CENPW: variants seen among roughly 807,000 people sequenced by gnomAD.
The protein encoded by CENPW is cancer-up-regulated gene 2 protein.
In CENPW, 3 loss-of-function variants were observed where a neutral mutation model predicts 11.1. The observed-to-expected ratio is 0.27, with a 90% confidence interval of 0.12 to 0.70. CENPW has a LOEUF of 0.70. Ranked by LOEUF, CENPW falls within the 30% of genes least tolerant of loss-of-function variation. The probability of loss-of-function intolerance (pLI) is 0.77; values close to 1 mark genes in which losing one functional copy is unlikely to be tolerated. For missense variants in CENPW, 100 were observed against 105.6 expected, an observed-to-expected ratio of 0.95 and a Z score of 0.23; for synonymous variants, 38 against 42.0, an observed-to-expected ratio of 0.91 and a Z score of 0.37.
At chr6:126,470,828 G>T in the CENPW span, among the ~76,000 whole-genome samples, 1 of 152,180 alleles carries the variant, frequency 6.6e-6, no homozygotes, top group African/African-American at 2.4e-5. Context: ...ACTGAATTTT[G>T]GACTTGCACA....
chr6:126,397,231 C>T, the CENPW span, among the ~76,000 whole-genome samples: 2 of 152,062 alleles, frequency 1.3e-5, no homozygotes, highest in African/African-American at 2.4e-5. Context: ...AGTTTCAACC[C>T]CTAGGATGGA....
the CENPW span, among the ~76,000 whole-genome samples, chr6:126,425,688 G>A: frequency 6.6e-6 from 1 of 151,690 alleles, no homozygotes; most frequent in Admixed American, 6.6e-5. Flanking sequence ...GATAAGTAGT[G>A]CTTCTCTTTG....
chr6:126,421,031 C>T, the CENPW span, among the ~76,000 whole-genome samples: 1 of 151,992 alleles, frequency 6.6e-6, no homozygotes, highest in Non-Finnish European at 1.5e-5. Flanking sequence ...TGATAAGTAT[C>T]TGCTTGAAAG....
the CENPW span, among the ~76,000 whole-genome samples, chr6:126,382,391 C>T: frequency 6.6e-6 from 1 of 152,164 alleles, no homozygotes; most frequent in Non-Finnish European, 1.5e-5. Flanking sequence ...AGAGTTCCTT[C>T]TTTCCTCCAA....
chr6:126,407,854 G>T, the CENPW span, among the ~76,000 whole-genome samples: 1 of 152,134 alleles, frequency 6.6e-6, no homozygotes, highest in South Asian at 2.1e-4. Flanking sequence ...TGAATAGATT[G>T]TAAATATTCT....
At chr6:126,439,488 G>T in the CENPW span, among the ~76,000 whole-genome samples, 1 of 151,496 alleles carries the variant, frequency 6.6e-6, no homozygotes, top group Admixed American at 6.6e-5. Flanking sequence ...ATGTATGAGG[G>T]TTTTCTCTGG....
the CENPW span, among the ~76,000 whole-genome samples, chr6:126,370,182 A>G: frequency 6.6e-6 from 1 of 152,180 alleles, no homozygotes; most frequent in Non-Finnish European, 1.5e-5. Flanking sequence ...GCCTTATAGT[A>G]TAGTTTGAAG....
At chr6:126,433,503 GT>G in the CENPW span, among the ~76,000 whole-genome samples, 2 of 152,192 alleles carry the variant, frequency 1.3e-5, no homozygotes, top group Non-Finnish European at 1.5e-5. Context: ...GGTATAGTAT[GT>G]CAGAAAGCAG....
intron 1 of CENPW, among the ~76,000 whole-genome samples, chr6:126,342,256 G>T (rs1230596621): frequency 6.6e-6 from 1 of 152,176 alleles, no homozygotes. Flanking sequence ...ATCATGAAAA[G>T]ACCTAAGGTA....
the CENPW span, among the ~76,000 whole-genome samples, chr6:126,397,745 C>G: frequency 2.6e-5 from 4 of 152,040 alleles, no homozygotes; most frequent in Non-Finnish European, 5.9e-5. Flanking sequence ...TTGTTGGTGA[C>G]CTGTTCCCTC....
At chr6:126,407,196 G>T in the CENPW span, among the ~76,000 whole-genome samples, 353 of 152,228 alleles carry the variant, frequency 2.3e-3, no homozygotes, top group Non-Finnish European at 3.8e-3. Flanking sequence ...ATAGTTTTCT[G>T]TTCCTTCATT....
At chr6:126,436,052 G>A in the CENPW span, among the ~76,000 whole-genome samples, 3 of 151,760 alleles carry the variant, frequency 2.0e-5, no homozygotes, top group Admixed American at 6.6e-5. Context: ...AGAGTTTAGC[G>A]TTCCGGGGTC....
At chr6:126,390,908 A>G in the CENPW span, among the ~76,000 whole-genome samples, 6 of 152,104 alleles carry the variant, frequency 3.9e-5, no homozygotes, top group African/African-American at 1.4e-4. Context: ...AATCTTGGCT[A>G]TTGTAAATAG....
the CENPW span, among the ~76,000 whole-genome samples, chr6:126,407,160 A>G: frequency 2.0e-5 from 3 of 152,076 alleles, no homozygotes; most frequent in African/African-American, 7.2e-5. Flanking sequence ...GTCATCTCTC[A>G]TTTGTAAGTG....
the CENPW span, among the ~76,000 whole-genome samples, chr6:126,461,815 A>G: frequency 5.9e-5 from 9 of 151,942 alleles, 1 homozygote; most frequent in Admixed American, 5.9e-4. Flanking sequence ...TGTGACATTA[A>G]AATAGTCTCT....
At chr6:126,340,692 T>C (rs1780286208) in intron 1 of CENPW, among the ~76,000 whole-genome samples, 1 of 152,212 alleles carries the variant, frequency 6.6e-6, no homozygotes, top group African/African-American at 2.4e-5. Context: ...TAAATATTGC[T>C]GTTTAGGAAC....
the CENPW span, among the ~76,000 whole-genome samples, chr6:126,465,175 A>AT: frequency 2.6e-5 from 4 of 152,238 alleles, no homozygotes; most frequent in South Asian, 8.3e-4. Context: ...CAAAGTCAAT[A>AT]TACAAAAATC....
chr6:126,374,081 C>A, the CENPW span, among the ~76,000 whole-genome samples: 4 of 152,056 alleles, frequency 2.6e-5, no homozygotes, highest in Admixed American at 2.6e-4. Flanking sequence ...GTATAGAGAT[C>A]ACAGGGATAG....
At chr6:126,345,486 A>T (rs1780390323) in intron 1 of CENPW, among the ~76,000 whole-genome samples, 2 of 152,092 alleles carry the variant, frequency 1.3e-5, no homozygotes, top group Non-Finnish European at 2.9e-5. Context: ...AAGGTGCAAA[A>T]ATAGTACACG....
Sources: gnomAD v4.1 joint callset for allele counts (sites outside exome capture counted in the v4.1 genomes callset) on GRCh38, gnomAD v4.1.1 for gene constraint, MANE v1.5 for transcripts, NCBI Gene and HGNC (gene_info 2026-07-23, HGNC 2026-07-21) for gene names.